The following MSRA variants were observed in gnomAD, a reference collection of about 807,000 sequenced individuals.
MSRA encodes the protein methionine sulfoxide reductase A.
Under a neutral mutation model 31.3 loss-of-function variants are expected in MSRA, and 54 were observed. The ratio of observed to expected loss-of-function variants is 1.73; its 90% CI spans 1.39 to 2.17. The LOEUF (loss-of-function observed/expected upper bound fraction) is 2.17. Among genes scored for constraint, MSRA ranks in the 30% most tolerant of loss-of-function variants. The pLI, the probability that MSRA is intolerant of heterozygous loss-of-function variation, is 0.00. For synonymous variants in MSRA, 169 were observed against 116.5 expected (o/e 1.45, Z -2.90); for missense variants, 507 against 300.9 (o/e 1.69, Z -5.07).
chr8:10,102,212 T>C (rs551644157), intron 1 of MSRA, among the ~76,000 whole-genome samples: 1 of 152,340 alleles, frequency 6.6e-6, no homozygotes, highest in East Asian at 1.9e-4. Context: ...CATTATTTCT[T>C]TGAATACTTC....
chr8:10,180,975 G>A (rs903722992), intron 1 of MSRA, among the ~76,000 whole-genome samples: 2 of 152,064 alleles, frequency 1.3e-5, no homozygotes, highest in Non-Finnish European at 2.9e-5. Context: ...TCTTGATAAC[G>A]TTCCATGCTA....
chr8:10,195,340 A>G (rs927236556), intron 1 of MSRA, among the ~76,000 whole-genome samples: 1 of 152,230 alleles, frequency 6.6e-6, no homozygotes, highest in Admixed American at 6.5e-5. Context: ...TCCCGGGTTC[A>G]GACAATTCTT....
At chr8:10,268,450 G>A (rs552553254) in intron 3 of MSRA, among the ~76,000 whole-genome samples, 4 of 152,290 alleles carry the variant, frequency 2.6e-5, no homozygotes, top group East Asian at 1.9e-4. Context: ...TTCTACTCCC[G>A]AGGTTAGGGT....
intron 1 of MSRA, among the ~76,000 whole-genome samples, chr8:10,151,271 A>T (rs1803648449): frequency 2.7e-5 from 4 of 150,790 alleles, no homozygotes; most frequent in South Asian, 2.1e-4. Context: ...CAAAAAAAAA[A>T]AAAAAAAAAA....
intron 5 of MSRA, among the ~76,000 whole-genome samples, chr8:10,334,713 G>A (rs1563363312): frequency 6.6e-6 from 1 of 152,234 alleles, no homozygotes; most frequent in South Asian, 2.1e-4. Flanking sequence ...GAGCGGAGAT[G>A]AAAGGCCATT....
intron 1 of MSRA, among the ~76,000 whole-genome samples, chr8:10,168,093 A>T (rs1805300771): frequency 6.6e-6 from 1 of 152,196 alleles, no homozygotes; most frequent in South Asian, 2.1e-4. Flanking sequence ...GTCCTTGGGC[A>T]AGTCCCTATG....
At position 10,176,312 on chromosome 8, in the gene MSRA, TCAGAGATG is replaced by T. The variant is rs533230570; in HGVS notation, c.143-31519_143-31512del. On this transcript the variant is annotated intron_variant, in intron 1 of 5. Coordinates refer to ENST00000317173, the MANE Select transcript of MSRA (RefSeq NM_012331.5). ...TTTGTTCATCTCAAATCAAGCCTCC[TCAGAGATG>T]CCAGCTCTGTCTGGGCAGTCCGTGC... Among the ~76,000 whole-genome samples, 10 of 152,240 alleles carry T rather than the reference TCAGAGATG, an allele frequency of 6.6e-5. No homozygotes were observed. In the South Asian group the frequency reaches 1.7e-3, roughly 25 times the overall value.
chr8:10,226,497 T>C (rs1310658368), intron 2 of MSRA, among the ~76,000 whole-genome samples: 1 of 152,206 alleles, frequency 6.6e-6, no homozygotes, highest in African/African-American at 2.4e-5. Flanking sequence ...CATTCTACTA[T>C]ATTAATCAAC....
At chr8:10,208,341 C>T (rs1311639915) in intron 2 of MSRA, among the ~76,000 whole-genome samples, 1 of 152,088 alleles carries the variant, frequency 6.6e-6, no homozygotes, top group African/African-American at 2.4e-5. Context: ...TAAGCACGCT[C>T]CTTAAGAGAA....
intron 3 of MSRA, among the ~76,000 whole-genome samples, chr8:10,273,531 T>G (rs1423252046): frequency 6.6e-6 from 1 of 152,226 alleles, no homozygotes; most frequent in Non-Finnish European, 1.5e-5. Flanking sequence ...TGGTATGTAA[T>G]AAGAGTCATG....
At chr8:10,153,923 C>T (rs982211506) in intron 1 of MSRA, among the ~76,000 whole-genome samples, 1 of 152,140 alleles carries the variant, frequency 6.6e-6, no homozygotes, top group African/African-American at 2.4e-5. Context: ...AAATGTTTAA[C>T]ATTATATAGA....
At chr8:10,285,404 A>T (rs1799880277) in intron 3 of MSRA, among the ~76,000 whole-genome samples, 1 of 152,134 alleles carries the variant, frequency 6.6e-6, no homozygotes, top group Admixed American at 6.6e-5. Context: ...GTACAGGGTG[A>T]TGTTTCCATA....
In MSRA at chr8:10,207,391, C is replaced by G. The variant is rs558983860; in HGVS notation, c.143-442C>G. On this transcript the variant is annotated intron_variant, in intron 1 of 5. Coordinates refer to ENST00000317173, the MANE Select transcript of MSRA (RefSeq NM_012331.5). ...TTTGAAAAATTGCTCCCAATGGAAC[C>G]TTGCCCTTTTTACTTCTCACTTTAA... Among the ~76,000 whole-genome samples, 21 of 152,316 alleles carry G rather than the reference C, an allele frequency of 1.4e-4. No individual in the cohort carries two copies. In the East Asian group the frequency reaches 4.1e-3, roughly 29 times the overall value.
At chr8:10,105,474 G>A (rs562408658) in intron 1 of MSRA, among the ~76,000 whole-genome samples, 1 of 152,244 alleles carries the variant, frequency 6.6e-6, no homozygotes, top group South Asian at 2.1e-4. Flanking sequence ...TAGTCCCCAG[G>A]CATCCATCAT....
chr8:10,351,245 CTTTTTTTTTTTTTT>C (rs71203317), intron 5 of MSRA, among the ~76,000 whole-genome samples: 7 of 56,806 alleles, frequency 1.2e-4, no homozygotes, highest in South Asian at 2.0e-3. Flanking sequence ...CTGAAGGAGA[CTTTTTTTTTTTTTT>C]TTTTTTTTTT....
At chr8:10,072,440 T>TC in intron 1 of MSRA, among the ~76,000 whole-genome samples, 1 of 152,300 alleles carries the variant, frequency 6.6e-6, no homozygotes, top group East Asian at 1.9e-4. Context: ...TGTTTCTGGG[T>TC]CCTTACTCCC....
intron 1 of MSRA, among the ~76,000 whole-genome samples, chr8:10,089,054 G>T (rs1316048762): frequency 6.6e-6 from 1 of 152,138 alleles, no homozygotes; most frequent in Non-Finnish European, 1.5e-5. Flanking sequence ...GGACAAATGA[G>T]AGATCTAATG....
intron 1 of MSRA, among the ~76,000 whole-genome samples, chr8:10,176,942 C>T (rs925929502): frequency 8.5e-5 from 13 of 152,198 alleles, no homozygotes; most frequent in African/African-American, 3.1e-4. Flanking sequence ...AGTACAGAGT[C>T]TTGTCTGGAG....
chr8:10,097,349 C>T lies in MSRA; in HGVS notation c.142+42691C>T, dbSNP rs528934408. Among the ~76,000 whole-genome samples the T allele has an allele frequency of 5.3e-5, 8 of 152,086 alleles. No homozygotes were observed. In the South Asian group the frequency reaches 1.0e-3, roughly 20 times the overall value. On this transcript the variant is annotated intron_variant, in intron 1 of 5. Transcript: ENST00000317173. ...TAATAAGCTCCTTTATACACTACGTCGCTGATACTCCTAAAATGGACGCCA... is the reference window on the plus strand; with the variant it reads ...TAATAAGCTCCTTTATACACTACGTTGCTGATACTCCTAAAATGGACGCCA...
Sources: allele counts gnomAD v4.1 joint callset (sites outside exome capture counted in the v4.1 genomes callset), GRCh38; gene constraint gnomAD v4.1.1; transcripts MANE v1.5; gene names NCBI Gene and HGNC (gene_info 2026-07-23, HGNC 2026-07-21).